The following GPC3 variants were observed in gnomAD, a reference collection of about 807,000 sequenced individuals.
The protein encoded by GPC3 is glypican-3.
A neutral mutation model predicts 34.4 loss-of-function variants in GPC3; 3 were observed. That is an observed-to-expected ratio of 0.09 (90% CI 0.04 to 0.23). The LOEUF (loss-of-function observed/expected upper bound fraction) is 0.23. GPC3 is among the 10% of genes least tolerant of loss of function. The pLI is 1.00. For synonymous variants in GPC3, 177 were observed against 174.0 expected, an observed-to-expected ratio of 1.02 and a Z score of -0.13; for missense variants, 351 against 445.6, an observed-to-expected ratio of 0.79 and a Z score of 1.91.
chrX:133,692,948 C>A (rs1228634612), intron 4 of GPC3, among the ~76,000 whole-genome samples: 1 of 111,159 alleles, frequency 9.0e-6, no homozygotes, highest in Non-Finnish European at 1.9e-5. Context: ...GGTTGCAGAT[C>A]AGAATTGCAG....
chrX:133,805,657 T>G (rs979783885), intron 2 of GPC3, among the ~76,000 whole-genome samples: 1 of 112,083 alleles, frequency 8.9e-6, no homozygotes, highest in African/African-American at 3.2e-5. Flanking sequence ...TTCCTTAACC[T>G]TTCTAAGATT....
At chrX:133,896,269 G>A (rs1216474346) in intron 2 of GPC3, among the ~76,000 whole-genome samples, 1 of 110,364 alleles carries the variant, frequency 9.1e-6, no homozygotes, top group Non-Finnish European at 1.9e-5. Flanking sequence ...GCTGAAGCAG[G>A]AGAATTGCTT....
chrX:133,809,180 A>G (rs2075651699), intron 2 of GPC3, among the ~76,000 whole-genome samples: 2 of 112,309 alleles, frequency 1.8e-5, no homozygotes, highest in African/African-American at 6.5e-5. Flanking sequence ...GAAATGACTC[A>G]GGGAAAAAAA....
chrX:133,750,288 G>T (rs973784617), intron 3 of GPC3, among the ~76,000 whole-genome samples: 4 of 112,059 alleles, frequency 3.6e-5, no homozygotes, highest in African/African-American at 1.3e-4. Flanking sequence ...TCCAATTTAG[G>T]TTCACTACGT....
Position 133,754,099 on chromosome X carries a change from G to A in GPC3, c.415C>T (p.Pro139Ser), listed in dbSNP as rs149261557. 2 of 1,206,970 alleles carry A rather than the reference G, an allele frequency of 1.7e-6. No individual in the cohort carries two copies. Among genetic ancestry groups the A allele is most frequent in the African/African-American group, 3.5e-5 (2 of 56,507 alleles). ...TCACCCACAAACTCAAAAGCTTGTG[G>A]AGTCAGGCTTGGGTAGTTGTTCTTG... ...MFKNNYPSLT[P>S]QAFEFVGEFF... is the part of the protein sequence containing the mutation. Residue 139 changes from proline (P) to serine (S), a missense_variant, in exon 3 of 8, where the codon CCA (proline) becomes TCA (serine). Physicochemically the swap from Pro to Ser is moderately conservative, Grantham distance 74. Coordinates refer to ENST00000370818, the MANE Select transcript of GPC3 (RefSeq NM_004484.4).
At chrX:133,602,528 C>T (rs190684762) in intron 6 of GPC3, among the ~76,000 whole-genome samples, 16 of 111,693 alleles carry the variant, frequency 1.4e-4, no homozygotes, top group Admixed American at 1.4e-3. Context: ...CAGTTTCATT[C>T]TGAAACCATC....
At chrX:133,745,106 C>T (rs1268267234) in intron 3 of GPC3, among the ~76,000 whole-genome samples, 2 of 111,243 alleles carry the variant, frequency 1.8e-5, no homozygotes, top group Non-Finnish European at 3.8e-5. Context: ...CACACGTATA[C>T]CTATGTAACA....
intron 3 of GPC3, among the ~76,000 whole-genome samples, chrX:133,700,491 T>C (rs2071157776): frequency 9.0e-6 from 1 of 111,297 alleles, no homozygotes. Context: ...TCTATGAGTA[T>C]TTTTTTATAA....
At chrX:133,763,717 A>T in intron 2 of GPC3, 1 of 489,706 alleles carries the variant, frequency 2.0e-6, no homozygotes, top group Non-Finnish European at 3.6e-6. Flanking sequence ...GCAACATGGA[A>T]ATAAGGCTGA....
chrX:133,596,892 A>C (rs1276774020), intron 6 of GPC3, among the ~76,000 whole-genome samples: 3 of 111,152 alleles, frequency 2.7e-5, no homozygotes, highest in African/African-American at 9.8e-5. Context: ...TAAGCTCCTG[A>C]AAGTCTCCAT....
At chrX:133,656,754 G>T (rs187983048) in intron 6 of GPC3, among the ~76,000 whole-genome samples, 1 of 111,678 alleles carries the variant, frequency 9.0e-6, no homozygotes, top group Non-Finnish European at 1.9e-5. Flanking sequence ...TTGGGTGGGG[G>T]GAAGGGCAAG....
intron 2 of GPC3, among the ~76,000 whole-genome samples, chrX:133,765,702 G>T (rs1465800670): frequency 9.0e-6 from 1 of 111,680 alleles, no homozygotes. Flanking sequence ...AACCATTGTT[G>T]TTGAGAGCAC....
intron 1 of GPC3, among the ~76,000 whole-genome samples, chrX:133,978,442 G>A (rs1437789239): frequency 9.0e-6 from 1 of 111,720 alleles, no homozygotes; most frequent in Middle Eastern, 4.3e-3. Context: ...TCTTCAATTT[G>A]TCTTGAAATT....
chrX:133,965,029 G>C (rs183489658), intron 1 of GPC3, among the ~76,000 whole-genome samples: 1 of 110,992 alleles, frequency 9.0e-6, no homozygotes, highest in Admixed American at 9.6e-5. Context: ...CTCAGGAAGC[G>C]CACTGACATT....
intron 2 of GPC3, among the ~76,000 whole-genome samples, chrX:133,797,973 T>A: frequency 8.9e-6 from 1 of 112,038 alleles, no homozygotes; most frequent in Non-Finnish European, 1.9e-5. Context: ...AAAATTATAA[T>A]AAGTTTCCTA....
chrX:133,845,192 G>C (rs2075842449), intron 2 of GPC3, among the ~76,000 whole-genome samples: 1 of 111,391 alleles, frequency 9.0e-6, no homozygotes. Context: ...AAATGAAAGG[G>C]GAAGTCTGGC....
intron 6 of GPC3, among the ~76,000 whole-genome samples, chrX:133,617,555 T>C (rs752872642): frequency 1.1e-3 from 128 of 112,220 alleles, no homozygotes; most frequent in Non-Finnish European, 1.7e-3. Flanking sequence ...GTGCCAAGCA[T>C]GTACTAAATG....
intron 5 of GPC3, among the ~76,000 whole-genome samples, chrX:133,680,993 A>G (rs2070937042): frequency 8.9e-6 from 1 of 111,824 alleles, no homozygotes; most frequent in Non-Finnish European, 1.9e-5. Context: ...GAAATAACAT[A>G]AAAATGAGAG....
rs949579274 is a variant in GPC3 at position 133,956,439 on chromosome X, T to C, written c.176-3228A>G. Reference sequence around the variant, plus strand: ...TGGACCAAGAAGGGAAAGAGTCTCCTTGGGTAAGAGTAGCTAATCTAAATT... The same window carrying C: ...TGGACCAAGAAGGGAAAGAGTCTCCCTGGGTAAGAGTAGCTAATCTAAATT... On this transcript the variant is annotated intron_variant, in intron 1 of 7. Coordinates refer to ENST00000370818, the MANE Select transcript of GPC3 (RefSeq NM_004484.4). Among the ~76,000 whole-genome samples, 7 of 111,574 alleles carry C rather than the reference T, an allele frequency of 6.3e-5. No homozygotes were observed. In the Admixed American group the frequency reaches 6.7e-4, roughly 11 times the overall value.
Sources: allele counts gnomAD v4.1 joint callset (sites outside exome capture counted in the v4.1 genomes callset), GRCh38; gene constraint gnomAD v4.1.1; transcripts MANE v1.5; gene names NCBI Gene and HGNC (gene_info 2026-07-23, HGNC 2026-07-21).